Variants in IL1RAPL1 observed in about 807,000 individuals in gnomAD.
IL1RAPL1 encodes the protein interleukin-1 receptor accessory protein-like 1.
In IL1RAPL1, 3 loss-of-function variants were observed where a neutral mutation model predicts 48.4. That is an observed-to-expected ratio of 0.06 (90% CI 0.03 to 0.16). The LOEUF (loss-of-function observed/expected upper bound fraction) is 0.16. Ranked by LOEUF, IL1RAPL1 falls within the 10% of genes least tolerant of loss-of-function variation. IL1RAPL1 has a pLI of 1.00. For missense variants in IL1RAPL1, 349 were observed against 530.6 expected, an observed-to-expected ratio of 0.66 and a Z score of 3.36; for synonymous variants, 185 against 187.7, an observed-to-expected ratio of 0.99 and a Z score of 0.12.
rs907712361 is a variant in IL1RAPL1 at position 29,710,606 on chromosome X, G to GTA, written c.778+42117_778+42118dup. Among the ~76,000 whole-genome samples the GTA allele has an allele frequency of 9.7e-3, 991 of 101,880 alleles. 11 individuals carry two copies. Among genetic ancestry groups the GTA allele is most frequent in the African/African-American group, 0.03 (839 of 28,336 alleles). 88.5% of individuals were successfully genotyped at this position (101,880 alleles called of 115,157 possible). A position where few individuals can be genotyped will look rare whatever the true frequency, so the allele number is the denominator to read the frequency against. ...TACACACATACATATATGTGTGTGT[G>GTA]TATATATATATATATAATATATATA... On this transcript the variant is annotated intron_variant, in intron 6 of 10. Coordinates refer to ENST00000378993, the MANE Select transcript of IL1RAPL1 (RefSeq NM_014271.4).
chrX:29,759,929 G>A (rs903173355), intron 6 of IL1RAPL1, among the ~76,000 whole-genome samples: 1 of 111,410 alleles, frequency 9.0e-6, no homozygotes, highest in African/African-American at 3.3e-5. Flanking sequence ...CAACTTAAAT[G>A]ACTCTGTTTC....
intron 1 of IL1RAPL1, among the ~76,000 whole-genome samples, chrX:28,733,920 C>T (rs1249799743): frequency 1.8e-5 from 2 of 111,874 alleles, no homozygotes; most frequent in Non-Finnish European, 3.8e-5. Flanking sequence ...CCAATATCCT[C>T]CTCAGAACTG....
intron 3 of IL1RAPL1, among the ~76,000 whole-genome samples, chrX:29,286,199 T>A (rs1464843643): frequency 1.8e-5 from 2 of 111,907 alleles, no homozygotes; most frequent in Non-Finnish European, 3.8e-5. Context: ...CCTTCTTTAA[T>A]ATCTATTTTG....
At chrX:29,709,664 A>G (rs1927289572) in intron 6 of IL1RAPL1, among the ~76,000 whole-genome samples, 1 of 111,493 alleles carries the variant, frequency 9.0e-6, no homozygotes, top group African/African-American at 3.3e-5. Flanking sequence ...TGCTGGTTCC[A>G]TATGAATTTT....
chrX:28,731,116 C>G (rs2146946689), intron 1 of IL1RAPL1, among the ~76,000 whole-genome samples: 1 of 112,144 alleles, frequency 8.9e-6, no homozygotes, highest in South Asian at 3.7e-4. Context: ...GGATCACCAA[C>G]TCTAAAGCTT....
At chrX:29,061,620 G>A (rs1227401929) in intron 2 of IL1RAPL1, among the ~76,000 whole-genome samples, 2 of 111,228 alleles carry the variant, frequency 1.8e-5, no homozygotes, top group Non-Finnish European at 1.9e-5. Flanking sequence ...CACCAGGCCC[G>A]GCTAATTTTT....
At chrX:29,372,773 CT>C (rs1160543169) in intron 3 of IL1RAPL1, among the ~76,000 whole-genome samples, 531 of 63,428 alleles carry the variant, frequency 8.4e-3, no homozygotes, top group African/African-American at 0.018. Flanking sequence ...GTCTATGTGT[CT>C]TTTTTTTTTT....
At chrX:29,317,694 A>G (rs1932775049) in intron 3 of IL1RAPL1, among the ~76,000 whole-genome samples, 1 of 112,373 alleles carries the variant, frequency 8.9e-6, no homozygotes, top group Non-Finnish European at 1.9e-5. Context: ...ATGAAATACA[A>G]TATGTCTTCT....
At chrX:28,895,300 T>G (rs185228314) in intron 2 of IL1RAPL1, among the ~76,000 whole-genome samples, 1 of 110,769 alleles carries the variant, frequency 9.0e-6, no homozygotes, top group Admixed American at 9.6e-5. Flanking sequence ...TAAAAGGCCA[T>G]GCTGTAGCAG....
intron 3 of IL1RAPL1, among the ~76,000 whole-genome samples, chrX:29,389,139 G>A (rs1484279940): frequency 9.1e-6 from 1 of 110,312 alleles, no homozygotes; most frequent in African/African-American, 3.3e-5. Flanking sequence ...GGTGGATCAC[G>A]AGGTCAGGAG....
chrX:28,843,268 A>C (rs1355378078), intron 2 of IL1RAPL1, among the ~76,000 whole-genome samples: 1 of 108,974 alleles, frequency 9.2e-6, no homozygotes, highest in Non-Finnish European at 1.9e-5. Flanking sequence ...AAGATAGGTG[A>C]ATCTACAAAT....
chrX:28,962,807 G>C (rs942313709), intron 2 of IL1RAPL1, among the ~76,000 whole-genome samples: 9 of 109,580 alleles, frequency 8.2e-5, no homozygotes, highest in African/African-American at 2.3e-4. Flanking sequence ...AGAATCCTCA[G>C]AATTTGGTAT....
chrX:29,690,598 T>TA (rs200090993), intron 6 of IL1RAPL1, among the ~76,000 whole-genome samples: 3 of 111,203 alleles, frequency 2.7e-5, no homozygotes, highest in African/African-American at 6.5e-5. Flanking sequence ...TAATGGAATT[T>TA]AAAAAAAAAT....
intron 6 of IL1RAPL1, among the ~76,000 whole-genome samples, chrX:29,903,524 T>TA (rs774021042): frequency 9.0e-6 from 1 of 111,316 alleles, no homozygotes; most frequent in East Asian, 2.8e-4. Context: ...TCTTTTTAAT[T>TA]AAAAAAAGAG....
chrX:29,068,360 T>C (rs1927492737), intron 2 of IL1RAPL1, among the ~76,000 whole-genome samples: 1 of 112,030 alleles, frequency 8.9e-6, no homozygotes, highest in African/African-American at 3.2e-5. Flanking sequence ...GATGCAGAAA[T>C]GAGTGAGAAG....
intron 2 of IL1RAPL1, among the ~76,000 whole-genome samples, chrX:29,173,015 C>G (rs1287639326): frequency 9.0e-6 from 1 of 111,089 alleles, no homozygotes; most frequent in Non-Finnish European, 1.9e-5. Flanking sequence ...CTAAACCCAC[C>G]CAAGGCAACC....
chrX:29,197,469 A>G (rs1446417048), intron 2 of IL1RAPL1, among the ~76,000 whole-genome samples: 1 of 111,672 alleles, frequency 9.0e-6, no homozygotes, highest in African/African-American at 3.3e-5. Context: ...GTGAATCACT[A>G]TCTGATTATA....
intron 5 of IL1RAPL1, among the ~76,000 whole-genome samples, chrX:29,654,195 G>C (rs1925604966): frequency 9.1e-6 from 1 of 110,180 alleles, no homozygotes; most frequent in South Asian, 3.8e-4. Context: ...TGGCATTTCA[G>C]GGTGCCAAGT....
At position 29,919,855 on chromosome X, in the gene IL1RAPL1, A is replaced by G; in HGVS notation, c.912-94A>G. On this transcript the variant is annotated intron_variant, in intron 7 of 10. Transcript: ENST00000378993. Reference sequence around the variant, plus strand: ...AATTAGAAGCACAGATTTTGTAGGTAGTTTTACATCAGATTCGGATTCATC... The same window carrying G: ...AATTAGAAGCACAGATTTTGTAGGTGGTTTTACATCAGATTCGGATTCATC... 4.8e-6 allele frequency: 4 copies of G among 836,270 alleles called. No individual in the cohort carries two copies. The South Asian group carries it at 8.2e-5, about 17-fold the overall frequency. 68.9% of individuals were successfully genotyped at this position (836,270 alleles called of 1,213,427 possible).
Sources: gnomAD v4.1 joint callset for allele counts (sites outside exome capture counted in the v4.1 genomes callset) on GRCh38, gnomAD v4.1.1 for gene constraint, MANE v1.5 for transcripts, NCBI Gene and HGNC (gene_info 2026-07-23, HGNC 2026-07-21) for gene names.